PKIB: variants seen among roughly 807,000 people sequenced by gnomAD.
PKIB encodes the protein cAMP-dependent protein kinase inhibitor beta.
Under a neutral mutation model 4.5 loss-of-function variants are expected in PKIB, and 2 were observed. That is an observed-to-expected ratio of 0.44 (90% CI 0.18 to 1.39). The LOEUF (loss-of-function observed/expected upper bound fraction) is 1.39. Ranked by LOEUF, PKIB falls within the 40% of genes most tolerant of loss-of-function variation. PKIB has a pLI of 0.27. For synonymous variants in PKIB, 38 were observed against 36.0 expected, an observed-to-expected ratio of 1.06 and a Z score of -0.20; for missense variants, 94 against 92.6, an observed-to-expected ratio of 1.02 and a Z score of -0.06.
chr6:122,715,875 A>G (rs574162723), intron 3 of PKIB, among the ~76,000 whole-genome samples: 9 of 152,248 alleles, frequency 5.9e-5, no homozygotes, highest in Non-Finnish European at 1.3e-4. Context: ...ATTGATTTGC[A>G]TGCCTGAGTG....
At chr6:122,600,025 A>AGC (rs1354733580) in intron 3 of PKIB, among the ~76,000 whole-genome samples, 18 of 148,636 alleles carry the variant, frequency 1.2e-4, no homozygotes, top group Admixed American at 2.0e-4. Flanking sequence ...CTATATCTAT[A>AGC]TCTATAGCTA....
intron 3 of PKIB, among the ~76,000 whole-genome samples, chr6:122,679,625 G>A (rs1777820219): frequency 6.6e-6 from 1 of 152,076 alleles, no homozygotes; most frequent in Non-Finnish European, 1.5e-5. Flanking sequence ...GGAGGGTGAG[G>A]GAAAAGGATG....
At chr6:122,541,908 C>T (rs1365425556) in intron 2 of PKIB, among the ~76,000 whole-genome samples, 2 of 151,920 alleles carry the variant, frequency 1.3e-5, no homozygotes, top group East Asian at 3.9e-4. Flanking sequence ...CTCTAAACTT[C>T]CCTTCTTGCT....
rs368144109 is a variant in PKIB at position 122,717,840 on chromosome 6, G to A, written c.46G>A (p.Ala16Thr). 2.1e-5 allele frequency: 34 copies of A among 1,613,902 alleles called. No individual in the cohort carries two copies. Among genetic ancestry groups the A allele is most frequent in the Middle Eastern group, 3.3e-4 (2 of 6,082 alleles). Residue 16 changes from alanine (A) to threonine (T), a missense_variant, in exon 4 of 5, where the codon GCC (alanine) becomes ACC (threonine). Coordinates refer to ENST00000368452, the MANE Select transcript of PKIB (RefSeq NM_181795.3). Reference protein sequence around the residue: ...SKMTDVESGVANFASSARAGR... With the variant: ...SKMTDVESGVTNFASSARAGR... ...AATGACTGACGTGGAGTCTGGGGTC[G>A]CCAATTTTGCATCTTCAGCAAGGGC...
intron 3 of PKIB, among the ~76,000 whole-genome samples, chr6:122,707,838 A>T (rs1022704174): frequency 3.3e-5 from 5 of 152,202 alleles, no homozygotes; most frequent in Non-Finnish European, 7.3e-5. Context: ...CAGGTTATGC[A>T]CCAGAATTAC....
At chr6:122,644,252 A>G (rs1776228845) in intron 2 of PKIB, 1 of 152,198 alleles carries the variant, frequency 6.6e-6, no homozygotes, top group Non-Finnish European at 1.5e-5. Context: ...CTGGTCCACC[A>G]CATAGAATTT....
At chr6:122,512,752 A>C (rs550317096) in intron 2 of PKIB, among the ~76,000 whole-genome samples, 3 of 152,340 alleles carry the variant, frequency 2.0e-5, no homozygotes, top group African/African-American at 7.2e-5. Flanking sequence ...GACATTTAAA[A>C]TTAGAAAATG....
At chr6:122,502,030 G>C (rs918965464) in intron 2 of PKIB, among the ~76,000 whole-genome samples, 7 of 146,976 alleles carry the variant, frequency 4.8e-5, no homozygotes, top group Non-Finnish European at 1.0e-4. Context: ...TTGGCTCATT[G>C]CAACCTCTGC....
At chr6:122,478,141 A>G (rs768743386) in intron 2 of PKIB, 1 of 151,316 alleles carries the variant, frequency 6.6e-6, no homozygotes, top group Non-Finnish European at 1.5e-5. Flanking sequence ...ACTAGTTTCC[A>G]TTATTGCTTA....
intron 3 of PKIB, among the ~76,000 whole-genome samples, chr6:122,603,146 A>G (rs1384130532): frequency 6.6e-6 from 1 of 152,182 alleles, no homozygotes; most frequent in African/African-American, 2.4e-5. Flanking sequence ...GTTTATCTAA[A>G]TTAAAAAGAC....
At chr6:122,636,889 A>G (rs1449095269) in intron 2 of PKIB, among the ~76,000 whole-genome samples, 1 of 152,210 alleles carries the variant, frequency 6.6e-6, no homozygotes, top group Non-Finnish European at 1.5e-5. Context: ...CAGTTTGAGA[A>G]TTCCCCAAAC....
At chr6:122,692,376 A>C (rs1055031605) in intron 3 of PKIB, among the ~76,000 whole-genome samples, 1 of 152,132 alleles carries the variant, frequency 6.6e-6, no homozygotes, top group Non-Finnish European at 1.5e-5. Context: ...GCTCTATTCT[A>C]CTACAGCTAA....
intron 3 of PKIB, among the ~76,000 whole-genome samples, chr6:122,675,563 A>C (rs1042990431): frequency 2.6e-5 from 4 of 152,180 alleles, no homozygotes; most frequent in African/African-American, 7.2e-5. Flanking sequence ...CTTTTCTATG[A>C]CCACTTTTGG....
chr6:122,510,318 G>A (rs549896083), intron 2 of PKIB, among the ~76,000 whole-genome samples: 1 of 152,070 alleles, frequency 6.6e-6, no homozygotes, highest in Non-Finnish European at 1.5e-5. Flanking sequence ...TAACAATCTG[G>A]AAATTGATTT....
intron 2 of PKIB, among the ~76,000 whole-genome samples, chr6:122,664,601 A>G (rs867197497): frequency 6.6e-6 from 1 of 152,116 alleles, no homozygotes; most frequent in South Asian, 2.1e-4. Flanking sequence ...TTGTAGAGGT[A>G]AAGTCTCACT....
chr6:122,701,524 C>A (rs1397376242), intron 3 of PKIB: 8 of 1,590,800 alleles, frequency 5.0e-6, no homozygotes, highest in African/African-American at 1.3e-5. Context: ...CCATTTTCTT[C>A]TTGGGGACAA....
chr6:122,594,270 C>T (rs749531950), intron 3 of PKIB, among the ~76,000 whole-genome samples: 1 of 150,304 alleles, frequency 6.7e-6, no homozygotes, highest in Non-Finnish European at 1.5e-5. Flanking sequence ...TGCAGTGGTG[C>T]GATCTCTGCT....
intron 1 of PKIB, among the ~76,000 whole-genome samples, chr6:122,623,646 A>G (rs1286990521): frequency 6.6e-6 from 1 of 152,198 alleles, no homozygotes; most frequent in Non-Finnish European, 1.5e-5. Context: ...TGTAGGATCT[A>G]CATTATTAAA....
At chr6:122,713,756 T>C (rs1253253943) in intron 3 of PKIB, among the ~76,000 whole-genome samples, 1 of 152,216 alleles carries the variant, frequency 6.6e-6, no homozygotes, top group Non-Finnish European at 1.5e-5. Flanking sequence ...GTAATATATA[T>C]GCTCATTAGT....
Sources: gnomAD v4.1 joint callset for allele counts (sites outside exome capture counted in the v4.1 genomes callset) on GRCh38, gnomAD v4.1.1 for gene constraint, MANE v1.5 for transcripts, NCBI Gene and HGNC (gene_info 2026-07-23, HGNC 2026-07-21) for gene names.